The following NR6A1 variants were observed in gnomAD, a reference collection of about 807,000 sequenced individuals.
NR6A1 encodes nuclear receptor subfamily 6 group A member 1.
NR6A1 carries 7 observed loss-of-function variants against 59.1 expected under a neutral mutation model. The observed-to-expected ratio is 0.12, with a 90% CI of 0.07 to 0.22. The LOEUF is 0.22. Ranked by LOEUF, NR6A1 falls within the 10% of genes least tolerant of loss-of-function variation. The pLI is 1.00. For synonymous variants in NR6A1, 243 were observed against 236.1 expected, an observed-to-expected ratio of 1.03 and a Z score of -0.27; for missense variants, 468 against 611.6, an observed-to-expected ratio of 0.77 and a Z score of 2.48.
At chr9:124,601,239 G>A (rs973962869) in intron 2 of NR6A1, among the ~76,000 whole-genome samples, 1 of 152,006 alleles carries the variant, frequency 6.6e-6, no homozygotes, top group Non-Finnish European at 1.5e-5. Context: ...TCACGCCACT[G>A]CACTCTAACC....
chr9:124,625,630 A>G (rs1836216385), intron 2 of NR6A1, among the ~76,000 whole-genome samples: 2 of 152,222 alleles, frequency 1.3e-5, no homozygotes, highest in South Asian at 2.1e-4. Context: ...CATTAATTCT[A>G]GAGTGTGATA....
chr9:124,557,925 C>T (rs12341407), intron 2 of NR6A1, among the ~76,000 whole-genome samples: 19,395 of 152,172 alleles, frequency 0.13, 3,347 homozygotes, highest in African/African-American at 0.39. Flanking sequence ...TTCACTGATA[C>T]GATTTCACTG....
chr9:124,649,474 T>C (rs1221293945), intron 2 of NR6A1, among the ~76,000 whole-genome samples: 2 of 152,078 alleles, frequency 1.3e-5, no homozygotes, highest in African/African-American at 4.8e-5. Context: ...GTTGAAGACT[T>C]ATATGTAAGA....
chr9:124,600,391 T>C (rs1372283933), intron 2 of NR6A1, among the ~76,000 whole-genome samples: 1 of 152,180 alleles, frequency 6.6e-6, no homozygotes, highest in South Asian at 2.1e-4. Flanking sequence ...AAGAACATCC[T>C]TGGATACAAT....
intron 2 of NR6A1, among the ~76,000 whole-genome samples, chr9:124,622,539 G>A (rs1415291989): frequency 6.6e-6 from 1 of 152,178 alleles, no homozygotes; most frequent in African/African-American, 2.4e-5. Context: ...CATTCTCTGA[G>A]GAGAAATGTC....
intron 2 of NR6A1, among the ~76,000 whole-genome samples, chr9:124,594,266 G>GT (rs1426094154): frequency 1.3e-5 from 2 of 152,124 alleles, no homozygotes; most frequent in African/African-American, 4.8e-5. Context: ...TTTTGGTACC[G>GT]TAAGTTATTT....
rs1833245024 is a variant in NR6A1, at chr9:124,535,810, A to G, written c.1079+68T>C. 3.8e-6 allele frequency: 6 copies of G among 1,578,628 alleles called. No homozygotes were observed. In the South Asian group the frequency reaches 7.1e-5, roughly 19 times the overall value. ...GTGCCTATCCTCTGAAGGGCCAGGC[A>G]ACTCTGCCTTACAGGGATGACAATT... On this transcript the variant is annotated intron_variant, in intron 7 of 9. Transcript: ENST00000487099.
chr9:124,662,564 C>T (rs568048014), intron 2 of NR6A1, among the ~76,000 whole-genome samples: 3 of 152,168 alleles, frequency 2.0e-5, no homozygotes, highest in Admixed American at 1.3e-4. Context: ...ACATTTTTCC[C>T]CTTAAATACT....
chr9:124,689,584 G>GT (rs1420689176), intron 2 of NR6A1, among the ~76,000 whole-genome samples: 2 of 152,170 alleles, frequency 1.3e-5, no homozygotes, highest in Non-Finnish European at 2.9e-5. Context: ...TTTCATGGCT[G>GT]TGTGTGCAGG....
At chr9:124,663,908 T>C (rs903128388) in intron 2 of NR6A1, among the ~76,000 whole-genome samples, 2 of 152,074 alleles carry the variant, frequency 1.3e-5, no homozygotes, top group African/African-American at 4.8e-5. Context: ...TTAGTACCAT[T>C]AAGTATAAAA....
chr9:124,538,299 C>A lies in NR6A1; in HGVS notation c.617G>T (p.Gly206Val). ...LSSSRSVELNGFMAFREQYMG... is the reference protein window; with the variant it reads ...LSSSRSVELNVFMAFREQYMG... ...GTACTGTTCCCTGAAGGCCATGAAT[C>A]CATTCAGTTCCACAGACCTACTGGA... The change falls in exon 6 of 10, where the codon GGA (glycine) becomes GTA (valine). Residue 206 changes from glycine (G) to valine (V), a missense_variant. This residue lies in a region of NR6A1 where 151 missense variants were observed against 142.8 expected (regional missense o/e 1.06). Coordinates refer to ENST00000487099, the MANE Select transcript of NR6A1 (RefSeq NM_033334.4). 6.2e-7 allele frequency: 1 copy of A among 1,613,916 alleles called. No individual in the cohort carries two copies. Among genetic ancestry groups the A allele is most frequent in the Non-Finnish European group, 8.5e-7 (1 of 1,179,830 alleles).
At chr9:124,706,932 A>AT (rs1839151636) in intron 2 of NR6A1, among the ~76,000 whole-genome samples, 1 of 151,630 alleles carries the variant, frequency 6.6e-6, no homozygotes, top group Non-Finnish European at 1.5e-5. Flanking sequence ...ATAATGGATC[A>AT]TTTTTTTTCT....
At chr9:124,553,121 A>G (rs1198493758) in intron 3 of NR6A1, among the ~76,000 whole-genome samples, 1 of 152,208 alleles carries the variant, frequency 6.6e-6, no homozygotes, top group Non-Finnish European at 1.5e-5. Context: ...ATAATTGAAT[A>G]TTGGAGATAT....
At chr9:124,755,200 T>C (rs547459456) in intron 1 of NR6A1, among the ~76,000 whole-genome samples, 1 of 151,964 alleles carries the variant, frequency 6.6e-6, no homozygotes, top group South Asian at 2.1e-4. Context: ...CAAAAGAGTA[T>C]TTCAGAGATC....
intron 2 of NR6A1, among the ~76,000 whole-genome samples, chr9:124,705,841 T>A (rs538104356): frequency 4.1e-4 from 63 of 152,018 alleles, no homozygotes; most frequent in African/African-American, 1.5e-3. Flanking sequence ...AGTGGTGTGA[T>A]CTTGGCTCAC....
chr9:124,642,544 C>T (rs1836795258), intron 2 of NR6A1, among the ~76,000 whole-genome samples: 1 of 152,074 alleles, frequency 6.6e-6, no homozygotes, highest in African/African-American at 2.4e-5. Context: ...AATCCCTGGC[C>T]TCTACTTACT....
At chr9:124,592,231 G>A (rs1196128520) in intron 2 of NR6A1, among the ~76,000 whole-genome samples, 1 of 152,020 alleles carries the variant, frequency 6.6e-6, no homozygotes, top group Non-Finnish European at 1.5e-5. Flanking sequence ...GGACTTTTAT[G>A]GCTTTTCCTT....
intron 8 of NR6A1, among the ~76,000 whole-genome samples, chr9:124,525,096 C>G (rs999846869): frequency 6.6e-6 from 1 of 151,954 alleles, no homozygotes; most frequent in Non-Finnish European, 1.5e-5. Context: ...CAGACAGAGC[C>G]CCTCGAGGGT....
chr9:124,593,765 T>C (rs992345543), intron 2 of NR6A1, among the ~76,000 whole-genome samples: 3 of 152,208 alleles, frequency 2.0e-5, no homozygotes, highest in Admixed American at 6.5e-5. Flanking sequence ...TGCATCTATC[T>C]TGAAGTGTGC....
Sources: gnomAD v4.1 joint callset for allele counts (sites outside exome capture counted in the v4.1 genomes callset) on GRCh38, gnomAD v4.1.1 for gene constraint, gnomAD v4.1.1 regional missense constraint, MANE v1.5 for transcripts, NCBI Gene and HGNC (gene_info 2026-07-23, HGNC 2026-07-21) for gene names.